Variants in SCIN observed in about 807,000 individuals in gnomAD.
SCIN encodes the protein adseverin.
A neutral mutation model predicts 91.8 loss-of-function variants in SCIN; 91 were observed. The ratio of observed to expected loss-of-function variants is 0.99; its 90% CI spans 0.84 to 1.18. SCIN has a LOEUF of 1.18. Ranked by LOEUF, SCIN falls within the 50% of genes most tolerant of loss-of-function variation. SCIN has a pLI of 0.00. For synonymous variants in SCIN, 367 were observed against 312.6 expected (o/e 1.17, Z -1.84); for missense variants, 1,087 against 863.9 (o/e 1.26, Z -3.24).
intron 3 of SCIN, among the ~76,000 whole-genome samples, chr7:12,601,156 G>A (rs1422075543): frequency 1.3e-5 from 2 of 152,164 alleles, no homozygotes; most frequent in Admixed American, 6.6e-5. Flanking sequence ...TTCCTAAAAT[G>A]TGTATTTTAT....
Position 12,640,379 on chromosome 7 carries a change from C to A in SCIN, c.1443C>A (p.His481Gln). ...TCTCCCAAGGCAAAGAGCCTGTTCA[C>A]CTACTGAGTTTGTTCAAAGACAAAC... ...IRVSQGKEPV[H>Q]LLSLFKDKPL... The change falls in exon 11 of 16, where the codon CAC (histidine) becomes CAA (glutamine). Residue 481 changes from histidine (H) to glutamine (Q), a missense_variant. His to Gln is a conservative substitution (Grantham distance 24, BLOSUM62 0). Transcript: ENST00000297029. The A allele has an allele frequency of 6.2e-7, 1 of 1,610,466 alleles. No homozygotes were observed. The highest frequency in any genetic ancestry group is 8.5e-7 in the Non-Finnish European group (1 of 1,178,386).
intron 1 of SCIN, 130 bp downstream of exon 1, chr7:12,571,115 G>T (rs1583266921): frequency 1.9e-6 from 2 of 1,066,416 alleles, no homozygotes; most frequent in Non-Finnish European, 1.3e-6. Context: ...CCCCCACGGG[G>T]CTGCCCTTTG....
intron 10 of SCIN, among the ~76,000 whole-genome samples, chr7:12,638,105 T>C (rs1268078862): frequency 6.6e-6 from 1 of 152,188 alleles, no homozygotes; most frequent in African/African-American, 2.4e-5. Context: ...TTAGTTACCA[T>C]GAAAAAGTTT....
chr7:12,595,106 A>G (rs1782812908), intron 3 of SCIN, among the ~76,000 whole-genome samples: 1 of 152,056 alleles, frequency 6.6e-6, no homozygotes, highest in African/African-American at 2.4e-5. Flanking sequence ...TTTGGCACCA[A>G]AATGAAGGTT....
rs997819952 is a variant in SCIN, at chr7:12,656,660, A to T, written c.*3945A>T. Reference sequence around the variant, plus strand: ...GTAAAAAGGCCGGGCGCAGTGGCTGACGCCTGTAATCCCAGCACTTTGAAA... The same window carrying T: ...GTAAAAAGGCCGGGCGCAGTGGCTGTCGCCTGTAATCCCAGCACTTTGAAA... On this transcript the variant is annotated 3_prime_UTR_variant, in exon 16 of 16. Coordinates refer to ENST00000297029, the MANE Select transcript of SCIN (RefSeq NM_001112706.3). 1.3e-5 allele frequency: 2 copies of T among 152,218 alleles called. No homozygotes were observed. The highest frequency in any genetic ancestry group is 4.8e-5 in the African/African-American group (2 of 41,450). 9.4% of individuals were successfully genotyped at this position (152,218 alleles called of 1,614,324 possible). A position where few individuals can be genotyped will look rare whatever the true frequency, so the allele number is the denominator to read the frequency against.
intron 8 of SCIN, among the ~76,000 whole-genome samples, chr7:12,628,464 G>A (rs1009344900): frequency 1.3e-5 from 2 of 152,086 alleles, no homozygotes; most frequent in African/African-American, 4.8e-5. Flanking sequence ...ATCCTCACAT[G>A]GTGGAAAAGG....
At chr7:12,627,446 A>G (rs1421098073) in intron 8 of SCIN, among the ~76,000 whole-genome samples, 2 of 152,072 alleles carry the variant, frequency 1.3e-5, no homozygotes, top group Non-Finnish European at 1.5e-5. Context: ...CACATAATTT[A>G]TCATATACCT....
chr7:12,596,496 T>TATCACTTTA (rs1782844712), intron 3 of SCIN: 1 of 455,436 alleles, frequency 2.2e-6, no homozygotes, highest in African/African-American at 2.0e-5. Flanking sequence ...AGAGGCAATG[T>TATCACTTTA]GATCATTGCT....
At chr7:12,605,239 C>T (rs750761707) in intron 4 of SCIN, among the ~76,000 whole-genome samples, 2 of 151,990 alleles carry the variant, frequency 1.3e-5, no homozygotes, top group African/African-American at 2.4e-5. Context: ...TTTTGGTAGA[C>T]GCAGGGCTTC....
At chr7:12,606,252 A>T (rs551579348) in intron 4 of SCIN, among the ~76,000 whole-genome samples, 2 of 152,168 alleles carry the variant, frequency 1.3e-5, no homozygotes, top group Admixed American at 1.3e-4. Flanking sequence ...TCTGCGTTTA[A>T]TAGTGGTAGG....
At chr7:12,593,420 T>C (rs934363085) in intron 3 of SCIN, among the ~76,000 whole-genome samples, 1 of 152,114 alleles carries the variant, frequency 6.6e-6, no homozygotes, top group South Asian at 2.1e-4. Context: ...CAGGGGCAGA[T>C]TGGGAAATAA....
At position 12,636,064 on chromosome 7, in the gene SCIN, C is replaced by A; in HGVS notation, c.1339C>A (p.Arg447=). The stretch of plus-strand genomic sequence containing the variant: ...CTCTAGGCAAGGAGCAAATGCCACA[C>A]GAGATGAGCTGACAACATCTGCGTT... ...IYTWQGANAT[R]DELTTSAFLT... Residue 447 remains arginine, a synonymous_variant, in exon 10 of 16, where the codon CGA becomes AGA. Transcript: ENST00000297029. 1.9e-6 allele frequency: 3 copies of A among 1,612,838 alleles called. No individual in the cohort carries two copies. The highest frequency in any genetic ancestry group is 1.1e-5 in the South Asian group (1 of 90,690).
In SCIN at chr7:12,570,863, A is replaced by C. The variant is rs1414394971; in HGVS notation, c.77A>C (p.Lys26Thr). ...GGGCTGCAGGTCTGGAGGATTGAGA[A>C]GCTGGAGCTGGTGCCCGTGCCCCAG... is the stretch of plus-strand genomic sequence containing the variant. ...QAGLQVWRIE[K>T]LELVPVPQSA... is the part of the protein sequence containing the mutation. Residue 26 changes from lysine (K) to threonine (T), a missense_variant, in exon 1 of 16, where the codon AAG becomes ACG. Coordinates refer to ENST00000297029, the MANE Select transcript of SCIN (RefSeq NM_001112706.3). 8 of 1,551,504 alleles carry C rather than the reference A, an allele frequency of 5.2e-6. No individual in the cohort carries two copies. Among genetic ancestry groups the C allele is most frequent in the Non-Finnish European group, 7.0e-6 (8 of 1,146,978 alleles).
At chr7:12,605,698 T>G (rs1783068518) in intron 4 of SCIN, among the ~76,000 whole-genome samples, 1 of 152,130 alleles carries the variant, frequency 6.6e-6, no homozygotes, top group Non-Finnish European at 1.5e-5. Context: ...GACTTTGGAG[T>G]ATTTCTAATT....
intron 3 of SCIN, among the ~76,000 whole-genome samples, chr7:12,599,342 G>A (rs1782908419): frequency 6.6e-6 from 1 of 151,424 alleles, no homozygotes; most frequent in Non-Finnish European, 1.5e-5. Context: ...AGGAATTTTA[G>A]CAAAACACTG....
At chr7:12,610,196 TG>T (rs1783163219) in intron 4 of SCIN, among the ~76,000 whole-genome samples, 1 of 152,252 alleles carries the variant, frequency 6.6e-6, no homozygotes, top group Admixed American at 6.5e-5. Flanking sequence ...GTGTTCCTTT[TG>T]TTTTTTAAGT....
rs1784125417 is a variant in SCIN, at chr7:12,653,695, C to G, written c.*980C>G. The G allele has an allele frequency of 1.3e-5, 2 of 152,056 alleles. No homozygotes were observed. Among genetic ancestry groups the G allele is most frequent in the African/African-American group, 2.4e-5 (1 of 41,408 alleles). The allele number at this position is 152,056 out of a possible 1,614,324, so 9.4% of individuals were successfully genotyped here. On this transcript the variant is annotated 3_prime_UTR_variant, in exon 16 of 16. Transcript: ENST00000297029. This position sits in a 1 kb window ranked among gnomAD's most constrained non-coding sequence, Gnocchi z 4.1. ...TTAATATCACAGGAGATCAAAAAGA[C>G]AATGCACAGGGGAGTATCCCAGGGA...
Position 12,604,627 on chromosome 7 carries a change from C to T in SCIN, c.630C>T (p.Val210=), listed in dbSNP as rs764288238. The change falls in exon 4 of 16, where the codon GTC becomes GTT. Residue 210 remains valine, a synonymous_variant. Transcript: ENST00000297029. ...NERKGRSELI[V]VEEGSEPSEL... ...GGAAAGGAAGGTCTGAACTAATTGT[C>T]GTGGAAGAAGGAAGTGAACCCTCAG... 24 of 1,552,004 alleles carry T rather than the reference C, an allele frequency of 1.5e-5. No individual in the cohort carries two copies. Among genetic ancestry groups the T allele is most frequent in the Middle Eastern group, 1.7e-4 (1 of 5,996 alleles).
chr7:12,657,253 C>A lies in SCIN; in HGVS notation c.*4538C>A, dbSNP rs1784179037. On this transcript the variant is annotated 3_prime_UTR_variant, in exon 16 of 16. Transcript: ENST00000297029. ...TTTTTTTTTGAGATAGGTTCTCACT[C>A]TGTTGCCCAGGCTGGAGTACAGTAG... 1 of 116,110 alleles carries A rather than the reference C, an allele frequency of 8.6e-6. No individual in the cohort carries two copies. Among genetic ancestry groups the A allele is most frequent in the African/African-American group, 3.2e-5 (1 of 30,966 alleles). The allele number at this position is 116,110 out of a possible 1,614,324, so 7.2% of individuals were successfully genotyped here. A position where few individuals can be genotyped will look rare whatever the true frequency, so the allele number is the denominator to read the frequency against.
Sources: allele counts gnomAD v4.1 joint callset (sites outside exome capture counted in the v4.1 genomes callset), GRCh38; gene constraint gnomAD v4.1.1; non-coding constraint Gnocchi (gnomAD v3.1); transcripts MANE v1.5; gene names NCBI Gene and HGNC (gene_info 2026-07-23, HGNC 2026-07-21).